The following SMAD9 variants were observed in gnomAD, a reference collection of about 807,000 sequenced individuals.
The protein encoded by SMAD9 is SMAD family member 9.
Under a neutral mutation model 46.1 loss-of-function variants are expected in SMAD9, and 36 were observed. The ratio of observed to expected loss-of-function variants is 0.78; its 90% CI spans 0.60 to 1.03. The LOEUF is 1.03. Ranked by LOEUF, SMAD9 falls within the 50% of genes least tolerant of loss-of-function variation. SMAD9 has a pLI of 0.00. For missense variants in SMAD9, 572 were observed against 599.8 expected (o/e 0.95, Z 0.48); for synonymous variants, 245 against 237.1 (o/e 1.03, Z -0.31).
intron 1 of SMAD9, among the ~76,000 whole-genome samples, chr13:36,912,053 G>A (rs1047814269): frequency 1.3e-5 from 2 of 152,176 alleles, no homozygotes; most frequent in African/African-American, 4.8e-5. Flanking sequence ...ATGAAGCAGT[G>A]GAGATGGTGT....
At chr13:36,903,637 G>T (rs2058596013) in intron 1 of SMAD9, among the ~76,000 whole-genome samples, 1 of 152,132 alleles carries the variant, frequency 6.6e-6, no homozygotes, top group Admixed American at 6.5e-5. Flanking sequence ...AATAGCTTTT[G>T]CATCTAATCT....
chr13:36,910,539 G>T (rs1289524798), intron 1 of SMAD9, among the ~76,000 whole-genome samples: 10 of 152,160 alleles, frequency 6.6e-5, no homozygotes, highest in Non-Finnish European at 1.5e-4. Flanking sequence ...GTTGACGCCT[G>T]TAACATCAAT....
chr13:36,851,418 G>A (rs2058073762), intron 6 of SMAD9, among the ~76,000 whole-genome samples: 1 of 152,164 alleles, frequency 6.6e-6, no homozygotes, highest in Admixed American at 6.5e-5. Context: ...CTCATGTGCA[G>A]ATGACTCCAC....
At chr13:36,908,868 C>A (rs1446074364) in intron 1 of SMAD9, among the ~76,000 whole-genome samples, 1 of 152,098 alleles carries the variant, frequency 6.6e-6, no homozygotes, top group East Asian at 1.9e-4. Flanking sequence ...TCACATGAAA[C>A]TGAAGGCCAT....
chr13:36,917,614 A>G (rs1218257621), intron 1 of SMAD9, among the ~76,000 whole-genome samples: 1 of 152,228 alleles, frequency 6.6e-6, no homozygotes, highest in African/African-American at 2.4e-5. Context: ...AAGCTTCGTT[A>G]AAGCTTTAAA....
chr13:36,887,001 T>C (rs2058450837), intron 1 of SMAD9, among the ~76,000 whole-genome samples: 1 of 148,346 alleles, frequency 6.7e-6, no homozygotes, highest in South Asian at 2.1e-4. Context: ...ATATGGAAAA[T>C]GGGTTTTATC....
chr13:36,863,829 C>A (rs1325923420), intron 5 of SMAD9, among the ~76,000 whole-genome samples: 1 of 152,100 alleles, frequency 6.6e-6, no homozygotes, highest in Non-Finnish European at 1.5e-5. Context: ...GCCTGCAGAC[C>A]CATGGGCCAA....
At position 36,847,444 on chromosome 13, in the gene SMAD9, T is replaced by G. The variant is rs1010528384; in HGVS notation, c.*1232A>C. Reference sequence around the variant, plus strand: ...CATCTAAAGTAAAATAAGAACAGGTTTTTAATATTGTGTATATTTTTAAAA... The same window carrying G: ...CATCTAAAGTAAAATAAGAACAGGTGTTTAATATTGTGTATATTTTTAAAA... On this transcript the variant is annotated 3_prime_UTR_variant, in exon 7 of 7. Transcript: ENST00000379826. 6.6e-6 allele frequency: 1 copy of G among 152,196 alleles called. No individual in the cohort carries two copies. Among genetic ancestry groups the G allele is most frequent in the Non-Finnish European group, 1.5e-5 (1 of 68,040 alleles). 9.4% of individuals were successfully genotyped at this position (152,196 alleles called of 1,614,324 possible).
chr13:36,915,559 G>C (rs1379693624), intron 1 of SMAD9, among the ~76,000 whole-genome samples: 1 of 152,150 alleles, frequency 6.6e-6, no homozygotes, highest in African/African-American at 2.4e-5. Flanking sequence ...GAGAGAGAGA[G>C]AGAGAAGATT....
At chr13:36,897,567 G>A (rs1170130572) in intron 1 of SMAD9, among the ~76,000 whole-genome samples, 1 of 152,124 alleles carries the variant, frequency 6.6e-6, no homozygotes, top group Non-Finnish European at 1.5e-5. Flanking sequence ...CTGACAAAAT[G>A]TGGGATATCT....
chr13:36,882,102 ATGAAT>A, intron 1 of SMAD9, among the ~76,000 whole-genome samples: 1 of 152,290 alleles, frequency 6.6e-6, no homozygotes. Flanking sequence ...TGTGAAATCA[ATGAAT>A]TGGAACAAAA....
rs1406366136 is a variant in SMAD9 at position 36,867,392 on chromosome 13, A to C, written c.671-9T>G. 6.6e-7 allele frequency: 1 copy of C among 1,517,716 alleles called. No homozygotes were observed. The highest frequency in any genetic ancestry group is 2.0e-5 in the Admixed American group (1 of 49,072). 94.0% of individuals were successfully genotyped at this position (1,517,716 alleles called of 1,614,324 possible). On this transcript the variant is annotated splice_polypyrimidine_tract_variant and intron_variant, in intron 3 of 6. Transcript: ENST00000379826. The stretch of plus-strand genomic sequence containing the variant: ...CAGGGGTGGTGTGTCAACTAAAAGA[A>C]AGCAGTAGAACAAAGGAATTGTCAA...
intron 6 of SMAD9, chr13:36,852,076 T>C: frequency 1.0e-6 from 1 of 972,424 alleles, no homozygotes; most frequent in Non-Finnish European, 1.2e-6. Context: ...TTATAATATA[T>C]GCTTTCAAAA....
chr13:36,846,470 T>G lies in SMAD9; in HGVS notation c.*2206A>C, dbSNP rs1157205538. On this transcript the variant is annotated 3_prime_UTR_variant, in exon 7 of 7. Transcript: ENST00000379826. ...GGCCTGGTGACACAGCGAGACTCCATCTCAAAAAAAAAAAAAAAAAAAAAA... is the reference window on the plus strand; with the variant it reads ...GGCCTGGTGACACAGCGAGACTCCAGCTCAAAAAAAAAAAAAAAAAAAAAA... The G allele has an allele frequency of 2.6e-5, 1 of 38,062 alleles. No individual in the cohort carries two copies. The highest frequency in any genetic ancestry group is 1.1e-4 in the African/African-American group (1 of 8,772). The allele number at this position is 38,062 out of a possible 1,614,324, so 2.4% of individuals were successfully genotyped here.
intron 1 of SMAD9, among the ~76,000 whole-genome samples, chr13:36,904,583 C>A (rs2058603411): frequency 6.6e-6 from 1 of 152,146 alleles, no homozygotes; most frequent in African/African-American, 2.4e-5. Context: ...AATTTATTAC[C>A]TCATCTGCAA....
intron 1 of SMAD9, among the ~76,000 whole-genome samples, chr13:36,901,796 G>A (rs1471502987): frequency 6.6e-6 from 1 of 152,148 alleles, no homozygotes; most frequent in Non-Finnish European, 1.5e-5. Flanking sequence ...CCATTTGTAT[G>A]TCTTCTTTGG....
Position 36,865,803 on chromosome 13 carries a change from G to C in SMAD9, c.782-45C>G, listed in dbSNP as rs1228212126. 3.4e-6 allele frequency: 5 copies of C among 1,486,468 alleles called. No individual in the cohort carries two copies. The African/African-American group carries it at 6.9e-5, about 21-fold the overall frequency. The allele number at this position is 1,486,468 out of a possible 1,614,324, so 92.1% of individuals were successfully genotyped here. On this transcript the variant is annotated intron_variant, in intron 4 of 6. Transcript: ENST00000379826. ...AGAACACATGGCTACTGTCATACCT[G>C]GGCTGTGTAGTTCATGATTCCACCA...
Position 36,884,374 on chromosome 13 carries a change from T to C in SMAD9, c.-186-4499A>G, listed in dbSNP as rs186485057. On this transcript the variant is annotated intron_variant, in intron 1 of 6. Coordinates refer to ENST00000379826, the MANE Select transcript of SMAD9 (RefSeq NM_001127217.3). ...GCTGGCCCTTACAGCTTTCCTTCTTTGGGCAGAGAGAAAAAACACCATGAC... is the reference window on the plus strand; with the variant it reads ...GCTGGCCCTTACAGCTTTCCTTCTTCGGGCAGAGAGAAAAAACACCATGAC... 1.1e-3 allele frequency among the ~76,000 whole-genome samples: 169 copies of C among 152,312 alleles called. 1 individual carries two copies. The East Asian group carries it at 0.028, about 25-fold the overall frequency.
chr13:36,869,073 G>C (rs750547492), intron 3 of SMAD9, among the ~76,000 whole-genome samples: 1 of 152,168 alleles, frequency 6.6e-6, no homozygotes, highest in East Asian at 1.9e-4. Flanking sequence ...AATTCAGAGA[G>C]ACAGAAAGTA....
Sources: allele counts gnomAD v4.1 joint callset (sites outside exome capture counted in the v4.1 genomes callset), GRCh38; gene constraint gnomAD v4.1.1; transcripts MANE v1.5; gene names NCBI Gene and HGNC (gene_info 2026-07-23, HGNC 2026-07-21).